The following ECE1 variants were observed in gnomAD, a reference collection of about 807,000 sequenced individuals.
The protein encoded by ECE1 is endothelin converting enzyme 1, also known as endothelin-converting enzyme 1.
A neutral mutation model predicts 98.6 loss-of-function variants in ECE1; 35 were observed. That is an observed-to-expected ratio of 0.35 (90% CI 0.27 to 0.47). ECE1 has a LOEUF of 0.47. Among genes scored for constraint, ECE1 ranks in the 20% least tolerant of loss-of-function variants. ECE1 has a pLI of 1.00. For missense variants in ECE1, 814 were observed against 1,025.3 expected (o/e 0.79, Z 2.81); for synonymous variants, 394 against 407.1 (o/e 0.97, Z 0.39).
chr1:21,229,131 G>A (rs1243806704), intron 14 of ECE1, among the ~76,000 whole-genome samples: 2 of 152,022 alleles, frequency 1.3e-5, no homozygotes, highest in Non-Finnish European at 2.9e-5. Flanking sequence ...ATGAGCCACT[G>A]CGCCGTCATA....
At position 21,233,954 on chromosome 1, in the gene ECE1, C is replaced by T. The variant is rs1269163420; in HGVS notation, c.1567-293G>A. ...ATGGATGTTCTGTGCTCTATGCCTGCGCTGTCCAGTATGGCAGACTACTAA... is the reference window on the plus strand; with the variant it reads ...ATGGATGTTCTGTGCTCTATGCCTGTGCTGTCCAGTATGGCAGACTACTAA... On this transcript the variant is annotated intron_variant, in intron 13 of 18. Coordinates refer to ENST00000374893, the MANE Select transcript of ECE1 (RefSeq NM_001397.3). This position sits in a 1 kb window ranked among gnomAD's most constrained non-coding sequence, Gnocchi z 4.0. Among the ~76,000 whole-genome samples the T allele has an allele frequency of 6.6e-6, 1 of 152,044 alleles. No individual in the cohort carries two copies. The highest frequency in any genetic ancestry group is 1.5e-5 in the Non-Finnish European group (1 of 68,004).
intron 1 of ECE1, among the ~76,000 whole-genome samples, chr1:21,323,704 GAC>G (rs1639012881): frequency 6.6e-6 from 1 of 151,958 alleles, no homozygotes; most frequent in South Asian, 2.1e-4. Flanking sequence ...GCTAGTAGGA[GAC>G]AGAATAAATA....
chr1:21,241,665 C>T (rs547034801), intron 10 of ECE1, among the ~76,000 whole-genome samples: 2 of 151,950 alleles, frequency 1.3e-5, no homozygotes, highest in Admixed American at 1.3e-4. Context: ...TCAGGTGATC[C>T]CACCAGCCTT....
At chr1:21,321,609 G>GGATTGATTGATT (rs10622861) in intron 1 of ECE1, among the ~76,000 whole-genome samples, 21 of 151,180 alleles carry the variant, frequency 1.4e-4, no homozygotes, top group Middle Eastern at 3.4e-3. Context: ...CTGTCACACA[G>GGATTGATTGATT]GATTGATTGA....
At position 21,319,809 on chromosome 1, in the gene ECE1, G is replaced by A. The variant is rs1252760027; in HGVS notation, c.3+25567C>T. Among the ~76,000 whole-genome samples, 4 of 152,126 alleles carry A rather than the reference G, an allele frequency of 2.6e-5. No individual in the cohort carries two copies. Among genetic ancestry groups the A allele is most frequent in the Non-Finnish European group, 5.9e-5 (4 of 68,022 alleles). Reference sequence around the variant, plus strand: ...GTTTACATTAGTTCAGCTGAGACAGGCTGAACAAACACACGCGGTCCCATG... The same window carrying A: ...GTTTACATTAGTTCAGCTGAGACAGACTGAACAAACACACGCGGTCCCATG... On this transcript the variant is annotated intron_variant, in intron 1 of 18. Coordinates refer to the ECE1 transcript ENST00000415912. The surrounding 1 kb of genome is among the most constrained non-coding windows in gnomAD (Gnocchi z 4.4).
At chr1:21,337,305 G>T (rs892214709) in intron 1 of ECE1, among the ~76,000 whole-genome samples, 4 of 152,302 alleles carry the variant, frequency 2.6e-5, no homozygotes, top group African/African-American at 9.6e-5. Flanking sequence ...ATTCCTTGCT[G>T]TCCAAAGCTG....
chr1:21,271,602 G>C (rs1386180778), intron 4 of ECE1, among the ~76,000 whole-genome samples: 1 of 152,158 alleles, frequency 6.6e-6, no homozygotes, highest in Non-Finnish European at 1.5e-5. Flanking sequence ...GACAGCCATG[G>C]TCCCAGCTGT....
intron 1 of ECE1, among the ~76,000 whole-genome samples, chr1:21,331,318 C>T (rs1013354892): frequency 2.6e-5 from 4 of 152,082 alleles, no homozygotes; most frequent in African/African-American, 7.2e-5. Context: ...GCAGAGGAAT[C>T]GCTTGAACCC....
At position 21,342,597 on chromosome 1, in the gene ECE1, C is replaced by T. The variant is rs1208834940; in HGVS notation, c.3+2779G>A. Among the ~76,000 whole-genome samples, 16 of 133,532 alleles carry T rather than the reference C, an allele frequency of 1.2e-4. 1 individual carries two copies. The South Asian group carries it at 4.0e-3, about 33-fold the overall frequency. 87.6% of individuals were successfully genotyped at this position (133,532 alleles called of 152,430 possible). A position where few individuals can be genotyped will look rare whatever the true frequency, so the allele number is the denominator to read the frequency against. ...GAAACACATCACACAGACACACAGA[C>T]ACACACAGATACACACACACACACA... On this transcript the variant is annotated intron_variant, in intron 1 of 18. Transcript: ENST00000415912.
Position 21,260,292 on chromosome 1 carries a change from AG to A in ECE1, c.593del (p.Pro198LeufsTer2). The A allele has an allele frequency of 6.2e-7, 1 of 1,614,214 alleles. No individual in the cohort carries two copies. Among genetic ancestry groups the A allele is most frequent in the Non-Finnish European group, 8.5e-7 (1 of 1,180,052 alleles). ...ETRIEELRAK[P>X]LMELIERLGG... is the part of the protein sequence containing the mutation. ...TCACCCTCTCAATCAACTCCATTAG[AG>A]GTTTGGCCCTGAGCTCCTCGATCCT... On this transcript the variant is annotated frameshift_variant, in exon 5 of 19. Coordinates refer to ENST00000374893, the MANE Select transcript of ECE1 (RefSeq NM_001397.3). LOFTEE classifies it high-confidence loss of function. This position sits in a 1 kb window ranked among gnomAD's most constrained non-coding sequence, Gnocchi z 4.3.
rs2098184672 is a variant in ECE1, at chr1:21,233,739, T to C, written c.1567-78A>G. On this transcript the variant is annotated intron_variant, in intron 13 of 18. Transcript: ENST00000374893. This position sits in a 1 kb window ranked among gnomAD's most constrained non-coding sequence, Gnocchi z 4.0. ...TTCCAAGACAGGAAGCCAAGGGCTG[T>C]CATGGTTAAGAGATTAATCTGCAGG... 1.5e-6 allele frequency: 2 copies of C among 1,377,896 alleles called. No individual in the cohort carries two copies. The highest frequency in any genetic ancestry group is 1.4e-5 in the African/African-American group (1 of 70,240). The allele number at this position is 1,377,896 out of a possible 1,614,324, so 85.4% of individuals were successfully genotyped here.
rs77092456 is a variant in ECE1, at chr1:21,297,310, C to T, written c.4-7154G>A. Among the ~76,000 whole-genome samples the T allele has an allele frequency of 2.0e-5, 3 of 152,246 alleles. No homozygotes were observed. In the East Asian group the frequency reaches 5.8e-4, roughly 29 times the overall value. On this transcript the variant is annotated intron_variant, in intron 1 of 18. Coordinates refer to the ECE1 transcript ENST00000415912. ...CCAAGCCCCAAACCTGGTCAGCAGC[C>T]TCTCACTCCTACCTGATACAGGCCA...
intron 1 of ECE1, among the ~76,000 whole-genome samples, chr1:21,341,453 A>C (rs1639396664): frequency 1.3e-5 from 2 of 152,386 alleles, no homozygotes; most frequent in South Asian, 4.1e-4. Context: ...CACCGTAGAC[A>C]TGAAAGTGTG....
At chr1:21,244,955 G>T in intron 10 of ECE1, 34 bp downstream of exon 10, 1 of 1,592,330 alleles carries the variant, frequency 6.3e-7, no homozygotes, top group Non-Finnish European at 8.6e-7. Context: ...TAGGCGCTCA[G>T]CCCATATTCA....
chr1:21,264,960 C>T (rs571800500), intron 4 of ECE1, among the ~76,000 whole-genome samples: 3 of 152,326 alleles, frequency 2.0e-5, no homozygotes, highest in East Asian at 3.9e-4. Flanking sequence ...CCTTCCTGAT[C>T]GCTGCAGCTA....
chr1:21,282,296 G>A (rs1180616778), intron 2 of ECE1, among the ~76,000 whole-genome samples: 2 of 150,816 alleles, frequency 1.3e-5, no homozygotes, highest in Non-Finnish European at 3.0e-5. Context: ...TCTCAAAAAA[G>A]TAAAAAAGAG....
chr1:21,227,324 T>C (rs959048891), intron 15 of ECE1, 98 bp from the exon 16 acceptor site: 16 of 1,247,378 alleles, frequency 1.3e-5, no homozygotes, highest in African/African-American at 1.0e-4. Context: ...CTTAGAGATA[T>C]AGCAAAATTC....
intron 2 of ECE1, 82 bp downstream of exon 2, chr1:21,289,987 TA>T: frequency 8.6e-7 from 1 of 1,156,184 alleles, no homozygotes; most frequent in Non-Finnish European, 1.1e-6. Context: ...GCGGGGTAGG[TA>T]GGGGCGGGGG....
At position 21,272,837 on chromosome 1, in the gene ECE1, C is replaced by T; in HGVS notation, c.355G>A (p.Val119Met). Residue 119 changes from valine to methionine, a missense_variant, in exon 4 of 19, where the codon GTG (valine) becomes ATG (methionine). Physicochemically the swap from Val to Met is conservative, Grantham distance 21. Around this residue, in one of 3 missense-constraint regions of ECE1, gnomAD observed 257 missense variants for 278.9 expected, o/e 0.92. Coordinates refer to ENST00000374893, the MANE Select transcript of ECE1 (RefSeq NM_001397.3). Reference sequence around the variant, plus strand: ...CTGAAGAAGTCATGGCAGGGGTCCACTGTGGGGTCCATGGAGCTCAAGATG... The same window carrying T: ...CTGAAGAAGTCATGGCAGGGGTCCATTGTGGGGTCCATGGAGCTCAAGATG... ...SSILSSMDPT[V>M]DPCHDFFSYA... is the part of the protein sequence containing the mutation. 1 of 1,614,260 alleles carries T rather than the reference C, an allele frequency of 6.2e-7. No individual in the cohort carries two copies. The highest frequency in any genetic ancestry group is 2.2e-5 in the East Asian group (1 of 44,880).
Sources: allele counts gnomAD v4.1 joint callset (sites outside exome capture counted in the v4.1 genomes callset), GRCh38; gene constraint gnomAD v4.1.1; regional missense constraint gnomAD v4.1.1; non-coding constraint Gnocchi (gnomAD v3.1); transcripts MANE v1.5; gene names NCBI Gene and HGNC (gene_info 2026-07-23, HGNC 2026-07-21).